Variants in PUDP observed in about 807,000 individuals in gnomAD.
The protein encoded by PUDP is pseudouridine 5'-phosphatase.
In PUDP, 8 loss-of-function variants were observed where a neutral mutation model predicts 9.4. The observed-to-expected ratio is 0.85, with a 90% confidence interval of 0.50 to 1.53. PUDP has a LOEUF of 1.53. Ranked by LOEUF, PUDP falls within the 40% of genes most tolerant of loss-of-function variation. PUDP has a pLI of 0.00. For missense variants in PUDP, 188 were observed against 189.7 expected, an observed-to-expected ratio of 0.99 and a Z score of 0.05; for synonymous variants, 99 against 80.7, an observed-to-expected ratio of 1.23 and a Z score of -1.22.
chrX:6,853,379 A>T (rs12689156), intron 3 of PUDP, among the ~76,000 whole-genome samples: 13,430 of 110,128 alleles, frequency 0.12, 885 homozygotes, highest in East Asian at 0.46. Context: ...ATAGCTCCCA[A>T]GTCCAAAGTC....
At chrX:6,758,026 G>T (rs1258500967) in intron 3 of PUDP, among the ~76,000 whole-genome samples, 2 of 112,368 alleles carry the variant, frequency 1.8e-5, no homozygotes, top group Admixed American at 9.4e-5. Context: ...CTATGGGGAT[G>T]CACTGAGAGA....
intron 3 of PUDP, among the ~76,000 whole-genome samples, chrX:7,066,072 C>A (rs756857335): frequency 1.8e-5 from 2 of 112,013 alleles, no homozygotes; most frequent in Non-Finnish European, 3.8e-5. Context: ...GCAGGACCAA[C>A]GAACTTGATG....
At chrX:6,878,903 A>G (rs1390007062) in intron 3 of PUDP, among the ~76,000 whole-genome samples, 2 of 111,545 alleles carry the variant, frequency 1.8e-5, no homozygotes, top group Non-Finnish European at 3.8e-5. Context: ...ATGCCTGGCC[A>G]TACACTAACC....
intron 3 of PUDP, among the ~76,000 whole-genome samples, chrX:6,794,663 C>T (rs1203907461): frequency 9.2e-6 from 1 of 108,450 alleles, no homozygotes. Flanking sequence ...CTCTGCCTCC[C>T]GGGCTCAAGC....
At chrX:7,027,246 G>C (rs1353657932) in intron 1 of PUDP, among the ~76,000 whole-genome samples, 1 of 111,054 alleles carries the variant, frequency 9.0e-6, no homozygotes, top group Non-Finnish European at 1.9e-5. Flanking sequence ...AGCTGAGCCT[G>C]CTGCATCAGG....
At chrX:6,726,955 T>C (rs1328249702) in intron 3 of PUDP, among the ~76,000 whole-genome samples, 1 of 112,223 alleles carries the variant, frequency 8.9e-6, no homozygotes, top group Non-Finnish European at 1.9e-5. Context: ...CTTTAAAGTC[T>C]AAATAATTCC....
intron 1 of PUDP, among the ~76,000 whole-genome samples, chrX:7,124,522 C>T (rs1027947628): frequency 9.0e-6 from 1 of 110,921 alleles, no homozygotes; most frequent in Non-Finnish European, 1.9e-5. Flanking sequence ...GAAAACATTC[C>T]CCATTAGAGC....
intron 3 of PUDP, among the ~76,000 whole-genome samples, chrX:6,813,824 T>G (rs1219914766): frequency 9.0e-6 from 1 of 111,360 alleles, no homozygotes; most frequent in Non-Finnish European, 1.9e-5. Context: ...ACTTAGCAAT[T>G]GTCAGGGATT....
At chrX:7,032,860 C>A (rs776912919) in intron 1 of PUDP, among the ~76,000 whole-genome samples, 1 of 111,613 alleles carries the variant, frequency 9.0e-6, no homozygotes, top group Admixed American at 9.5e-5. Flanking sequence ...TTTAAAAAAA[C>A]CACAAAAAGT....
intron 3 of PUDP, among the ~76,000 whole-genome samples, chrX:6,786,063 A>G (rs1925641987): frequency 9.0e-6 from 1 of 111,455 alleles, no homozygotes; most frequent in African/African-American, 3.3e-5. Flanking sequence ...GTAATACTCA[A>G]TGTGCTGTTC....
intron 3 of PUDP, among the ~76,000 whole-genome samples, chrX:6,863,818 T>C (rs1034605167): frequency 4.5e-5 from 5 of 111,975 alleles, no homozygotes; most frequent in Non-Finnish European, 7.5e-5. Flanking sequence ...TAAACCAGAA[T>C]TGGGAGAGGT....
intron 1 of PUDP, among the ~76,000 whole-genome samples, chrX:7,122,841 A>G (rs186473747): frequency 1.8e-5 from 2 of 112,684 alleles, no homozygotes; most frequent in African/African-American, 6.4e-5. Flanking sequence ...TTTCCTTCTC[A>G]ACATACTTTC....
chrX:7,129,984 G>T (rs982069693), intron 1 of PUDP, among the ~76,000 whole-genome samples: 1 of 111,493 alleles, frequency 9.0e-6, no homozygotes, highest in East Asian at 2.8e-4. Flanking sequence ...GTTTATCCCC[G>T]GCATGGTGCG....
In PUDP at chrX:6,946,292, T is replaced by G. The variant is rs895629868; in HGVS notation, c.*247+30841A>C. Among the ~76,000 whole-genome samples the G allele has an allele frequency of 5.4e-5, 6 of 111,390 alleles. No homozygotes were observed. The Admixed American group carries it at 5.8e-4, about 11-fold the overall frequency. The stretch of plus-strand genomic sequence containing the variant: ...TGAAGCTCCACTGCAAATACACACG[T>G]TTCTTCTTTCATGAATATCTGTGAT... On this transcript the variant is annotated intron_variant and NMD_transcript_variant, in intron 3 of 3. Coordinates refer to the PUDP transcript ENST00000655425.
intron 3 of PUDP, among the ~76,000 whole-genome samples, chrX:6,851,806 C>G (rs1209872611): frequency 9.0e-6 from 1 of 111,301 alleles, no homozygotes; most frequent in Non-Finnish European, 1.9e-5. Flanking sequence ...GAGTCCAACT[C>G]TTGCTCCACT....
At chrX:7,146,631 A>AT (rs1240300987) in intron 1 of PUDP, among the ~76,000 whole-genome samples, 21 of 110,990 alleles carry the variant, frequency 1.9e-4, no homozygotes, top group African/African-American at 6.9e-4. Flanking sequence ...AATGAAGAGA[A>AT]TGGTTTCTGC....
chrX:7,121,021 T>G (rs1176953188), intron 1 of PUDP, among the ~76,000 whole-genome samples: 3 of 111,870 alleles, frequency 2.7e-5, no homozygotes, highest in Non-Finnish European at 5.6e-5. Flanking sequence ...TTCTGGGAGT[T>G]GTGGGAAGAT....
intron 3 of PUDP, among the ~76,000 whole-genome samples, chrX:6,759,115 T>C (rs748308245): frequency 1.7e-3 from 187 of 112,156 alleles, no homozygotes; most frequent in African/African-American, 5.9e-3. Context: ...CATTCCATAT[T>C]ATAAAAGGAA....
intron 1 of PUDP, among the ~76,000 whole-genome samples, chrX:7,130,861 G>A (rs1602828769): frequency 9.0e-6 from 1 of 111,438 alleles, no homozygotes; most frequent in African/African-American, 3.3e-5. Flanking sequence ...ATTCTAGCCT[G>A]GACAACAGAA....
Sources: allele counts gnomAD v4.1 joint callset (sites outside exome capture counted in the v4.1 genomes callset), GRCh38; gene constraint gnomAD v4.1.1; transcripts MANE v1.5; gene names NCBI Gene and HGNC (gene_info 2026-07-23, HGNC 2026-07-21).